The following KSR2 variants were observed in gnomAD, a reference collection of about 807,000 sequenced individuals.
KSR2 encodes the protein kinase suppressor of ras 2.
Under a neutral mutation model 107.8 loss-of-function variants are expected in KSR2, and 25 were observed. The observed-to-expected ratio is 0.23, with a 90% confidence interval of 0.17 to 0.32. The LOEUF is 0.32. Among genes scored for constraint, KSR2 ranks in the 10% least tolerant of loss-of-function variants. KSR2 has a pLI of 1.00. For synonymous variants in KSR2, 480 were observed against 507.0 expected (o/e 0.95, Z 0.71); for missense variants, 887 against 1,268.9 (o/e 0.70, Z 4.57).
chr12:117,583,210 T>C (rs983191815), intron 5 of KSR2, among the ~76,000 whole-genome samples: 1 of 149,188 alleles, frequency 6.7e-6, no homozygotes, highest in Non-Finnish European at 1.5e-5. Flanking sequence ...GATGGATGCA[T>C]GGATAGATGG....
intron 14 of KSR2, among the ~76,000 whole-genome samples, chr12:117,496,853 ATTTT>A (rs879774490): frequency 7.0e-6 from 1 of 143,234 alleles, no homozygotes. Context: ...CTGAACAGAG[ATTTT>A]TTTTTTTTTT....
chr12:117,664,290 C>T (rs1884558935), intron 5 of KSR2, among the ~76,000 whole-genome samples: 1 of 152,200 alleles, frequency 6.6e-6, no homozygotes, highest in Non-Finnish European at 1.5e-5. Context: ...CTGCCTAATG[C>T]TGTCCCCAGG....
intron 1 of KSR2, among the ~76,000 whole-genome samples, chr12:117,920,966 T>C (rs1056027961): frequency 5.3e-5 from 8 of 152,190 alleles, no homozygotes; most frequent in African/African-American, 1.7e-4. Flanking sequence ...TACAGCTATC[T>C]GCATACGGTT....
In KSR2 at chr12:117,555,223, G is replaced by T; in HGVS notation, c.1464C>A (p.Arg488=). Residue 488 remains arginine (R), a synonymous_variant, in exon 9 of 20, where the codon CGC becomes CGA. Transcript: ENST00000339824. The part of the protein sequence containing the change: ...DINNPLRKPP[R]YSDLHISQTL... Reference sequence around the variant, plus strand: ...TCTGACTGATGTGCAGGTCTGAATAGCGAGGTGGCTTCCGTAGAGGGTTGT... The same window carrying T: ...TCTGACTGATGTGCAGGTCTGAATATCGAGGTGGCTTCCGTAGAGGGTTGT... 1 of 1,613,886 alleles carries T rather than the reference G, an allele frequency of 6.2e-7. No homozygotes were observed.
chr12:117,733,402 C>G (rs1056951259), intron 4 of KSR2, among the ~76,000 whole-genome samples: 1 of 152,218 alleles, frequency 6.6e-6, no homozygotes, highest in Non-Finnish European at 1.5e-5. Context: ...ATTTCCCACT[C>G]ACTCTTTAGG....
chr12:117,642,984 A>T (rs1883448942), intron 5 of KSR2, among the ~76,000 whole-genome samples: 1 of 152,206 alleles, frequency 6.6e-6, no homozygotes, highest in Non-Finnish European at 1.5e-5. Flanking sequence ...GAGGTTTTAG[A>T]CAGGATTCTT....
chr12:117,467,134 G>T lies in KSR2; in HGVS notation c.*65C>A. 1 of 631,296 alleles carries T rather than the reference G, an allele frequency of 1.6e-6. No homozygotes were observed. The highest frequency in any genetic ancestry group is 2.9e-6 in the Non-Finnish European group (1 of 349,072). 39.1% of individuals were successfully genotyped at this position (631,296 alleles called of 1,614,324 possible). On this transcript the variant is annotated 3_prime_UTR_variant, in exon 20 of 20. Coordinates refer to ENST00000339824, the MANE Select transcript of KSR2 (RefSeq NM_173598.6). ...TCTCTGGCCTCCTGAGCTGGCAGAGGACAGAGTAGGGAGGGAGAGGTGACG... is the reference window on the plus strand; with the variant it reads ...TCTCTGGCCTCCTGAGCTGGCAGAGTACAGAGTAGGGAGGGAGAGGTGACG...
At chr12:117,496,786 AC>A (rs1400833621) in intron 14 of KSR2, among the ~76,000 whole-genome samples, 5 of 152,190 alleles carry the variant, frequency 3.3e-5, no homozygotes, top group Admixed American at 2.0e-4. Context: ...TGTAAAAAAA[AC>A]AAAACAACAA....
At chr12:117,491,592 C>A (rs1322295236) in intron 14 of KSR2, among the ~76,000 whole-genome samples, 1 of 152,176 alleles carries the variant, frequency 6.6e-6, no homozygotes, top group East Asian at 1.9e-4. Context: ...GAATAATACT[C>A]CGCCGCATTT....
At chr12:117,932,743 T>C (rs1351463944) in intron 1 of KSR2, among the ~76,000 whole-genome samples, 1 of 151,440 alleles carries the variant, frequency 6.6e-6, no homozygotes, top group African/African-American at 2.4e-5. Flanking sequence ...CCGGGTGCAG[T>C]GGCTCACGCC....
At chr12:117,840,676 G>A (rs565762455) in intron 3 of KSR2, among the ~76,000 whole-genome samples, 26 of 152,162 alleles carry the variant, frequency 1.7e-4, no homozygotes, top group African/African-American at 6.0e-4. Flanking sequence ...GATTACAGGC[G>A]TAAGCCACCA....
chr12:117,796,466 G>A (rs983145043), intron 3 of KSR2, among the ~76,000 whole-genome samples: 1 of 152,220 alleles, frequency 6.6e-6, no homozygotes, highest in African/African-American at 2.4e-5. Flanking sequence ...GATATAAGCT[G>A]CCCTATAAAT....
intron 3 of KSR2, among the ~76,000 whole-genome samples, chr12:117,801,012 G>C (rs1198313395): frequency 6.6e-6 from 1 of 152,192 alleles, no homozygotes; most frequent in South Asian, 2.1e-4. Context: ...GGGCATTTGG[G>C]TTGGTTCCGA....
intron 5 of KSR2, among the ~76,000 whole-genome samples, chr12:117,604,064 GC>G (rs1881097844): frequency 6.6e-6 from 1 of 152,136 alleles, no homozygotes; most frequent in Admixed American, 6.6e-5. Context: ...ACATCAGAGG[GC>G]CAAAAACTCT....
At chr12:117,722,501 C>G (rs1292747992) in intron 4 of KSR2, among the ~76,000 whole-genome samples, 2 of 152,180 alleles carry the variant, frequency 1.3e-5, no homozygotes, top group Non-Finnish European at 2.9e-5. Context: ...CCCATCAAAA[C>G]CAAGATGGCC....
At chr12:117,646,621 C>T (rs1003424924) in intron 5 of KSR2, among the ~76,000 whole-genome samples, 1 of 152,084 alleles carries the variant, frequency 6.6e-6, no homozygotes, top group Non-Finnish European at 1.5e-5. Flanking sequence ...CCAATTAACC[C>T]CGGGGATCCA....
At position 117,855,554 on chromosome 12, in the gene KSR2, G is replaced by A. The variant is rs1373753448; in HGVS notation, c.346C>T (p.Leu116=). 1 of 1,613,906 alleles carries A rather than the reference G, an allele frequency of 6.2e-7. No individual in the cohort carries two copies. Among genetic ancestry groups the A allele is most frequent in the African/African-American group, 1.3e-5 (1 of 74,924 alleles). Residue 116 remains leucine, a synonymous_variant, in exon 3 of 20, where the codon CTG becomes TTG. Transcript: ENST00000339824. ...TCCGTCATCTCCAAGAGGTCCTCCA[G>A]GCTCAGCTGGCCGGGGGAGATTTCC... ...LEEISPGQLS[L]EDLLEMTDEQ... is the part of the protein sequence containing the mutation.
At chr12:117,879,670 T>C (rs1219120096) in intron 1 of KSR2, among the ~76,000 whole-genome samples, 1 of 152,216 alleles carries the variant, frequency 6.6e-6, no homozygotes, top group African/African-American at 2.4e-5. Context: ...TGAGCCATGA[T>C]TGTGCCACTG....
intron 1 of KSR2, among the ~76,000 whole-genome samples, chr12:117,877,296 C>G (rs952347014): frequency 1.3e-5 from 2 of 152,038 alleles, no homozygotes; most frequent in Non-Finnish European, 2.9e-5. Flanking sequence ...AAGATCGCAC[C>G]ACTGCACTCC....
Sources: gnomAD v4.1 joint callset for allele counts (sites outside exome capture counted in the v4.1 genomes callset) on GRCh38, gnomAD v4.1.1 for gene constraint, MANE v1.5 for transcripts, NCBI Gene and HGNC (gene_info 2026-07-23, HGNC 2026-07-21) for gene names.